RELN: variants seen among roughly 807,000 people sequenced by gnomAD.
RELN encodes the protein reelin.
In RELN, 108 loss-of-function variants were observed where a neutral mutation model predicts 427.6. That is an observed-to-expected ratio of 0.25 (90% CI 0.22 to 0.30). The LOEUF is 0.30. RELN is among the 10% of genes least tolerant of loss of function. RELN has a pLI of 1.00. For synonymous variants in RELN, 1,524 were observed against 1,513.4 expected (o/e 1.01, Z -0.16); for missense variants, 3,715 against 4,302.8 (o/e 0.86, Z 3.82).
intron 28 of RELN, among the ~76,000 whole-genome samples, chr7:103,583,444 G>C (rs1831200199): frequency 6.6e-6 from 1 of 152,116 alleles, no homozygotes; most frequent in Admixed American, 6.5e-5. Context: ...CCTTCTTACT[G>C]TATTCCTTAC....
At position 103,753,206 on chromosome 7, in the gene RELN, C is replaced by A. The variant is rs1480297004; in HGVS notation, c.553G>T (p.Asp185Tyr). 1 of 1,613,974 alleles carries A rather than the reference C, an allele frequency of 6.2e-7. No individual in the cohort carries two copies. The highest frequency in any genetic ancestry group is 1.7e-5 in the Admixed American group (1 of 60,024). ...QQLCEQGAPT[D>Y]VTVHPHLAEI... ...CCTAGATGTGGGTGCACAGTGACATCTGTTGGAGCTGAATCAAGAGAGGAA... is the reference window on the plus strand; with the variant it reads ...CCTAGATGTGGGTGCACAGTGACATATGTTGGAGCTGAATCAAGAGAGGAA... The change falls in exon 5 of 65, where the codon GAT becomes TAT. Residue 185 changes from aspartate to tyrosine, a missense_variant. Asp to Tyr is a radical substitution (Grantham distance 160, BLOSUM62 -3). Around this residue, in one of 4 missense-constraint regions of RELN, gnomAD observed 2,208 missense variants for 2,361.7 expected, o/e 0.93. Coordinates refer to ENST00000428762, the MANE Select transcript of RELN (RefSeq NM_005045.4).
intron 46 of RELN, among the ~76,000 whole-genome samples, chr7:103,528,060 G>GA (rs1829863042): frequency 6.6e-6 from 1 of 152,156 alleles, no homozygotes; most frequent in African/African-American, 2.4e-5. Context: ...CCAGTCCTAG[G>GA]TATATAGCCA....
At chr7:103,920,330 T>C (rs1795585176) in intron 1 of RELN, among the ~76,000 whole-genome samples, 1 of 152,144 alleles carries the variant, frequency 6.6e-6, no homozygotes, top group African/African-American at 2.4e-5. Context: ...CGAACTACTT[T>C]TAAGAAAAGT....
intron 1 of RELN, among the ~76,000 whole-genome samples, chr7:103,952,805 G>T (rs111441310): frequency 6.6e-6 from 1 of 152,306 alleles, no homozygotes; most frequent in Non-Finnish European, 1.5e-5. Flanking sequence ...GCATAAGGAT[G>T]CTGAACAATA....
rs1468149247 is a variant in RELN at position 103,978,765 on chromosome 7, C to T, written c.226+10366G>A. ...GGAGTTCTCTATGTTTAAAATATTT[C>T]GGAATTGACATGTCTGCCTCAGTTT... On this transcript the variant is annotated intron_variant, in intron 1 of 64. Coordinates refer to ENST00000428762, the MANE Select transcript of RELN (RefSeq NM_005045.4). 5.9e-5 allele frequency among the ~76,000 whole-genome samples: 9 copies of T among 152,290 alleles called. 1 individual carries two copies. The highest frequency in any genetic ancestry group is 1.4e-4 in the African/African-American group (6 of 41,562).
At chr7:103,751,499 C>A (rs1036589623) in intron 5 of RELN, among the ~76,000 whole-genome samples, 1 of 152,190 alleles carries the variant, frequency 6.6e-6, no homozygotes, top group Non-Finnish European at 1.5e-5. Flanking sequence ...AAGCCTCAGG[C>A]ATGAGAACAG....
At chr7:103,927,427 C>T (rs10487174) in intron 1 of RELN, among the ~76,000 whole-genome samples, 63,505 of 151,790 alleles carry the variant, frequency 0.42, 13,238 homozygotes, top group South Asian at 0.52. Context: ...AAATAAATGA[C>T]GTTCAGGTAC....
At chr7:103,985,713 T>A (rs1033289175) in intron 1 of RELN, among the ~76,000 whole-genome samples, 1 of 152,038 alleles carries the variant, frequency 6.6e-6, no homozygotes, top group Admixed American at 6.5e-5. Context: ...ATAAATTGAT[T>A]GGGGGCAAGG....
At chr7:103,513,962 A>G (rs955909014) in intron 50 of RELN, 2 of 152,172 alleles carry the variant, frequency 1.3e-5, no homozygotes, top group African/African-American at 4.8e-5. Flanking sequence ...GAACATGTAT[A>G]CTTTTACAAG....
chr7:103,707,829 C>T (rs1834239165), intron 8 of RELN, among the ~76,000 whole-genome samples: 3 of 152,002 alleles, frequency 2.0e-5, no homozygotes, highest in Admixed American at 1.3e-4. Context: ...AAAAATTTGG[C>T]CTCTCAGATA....
At position 103,553,506 on chromosome 7, in the gene RELN, G is replaced by A. The variant is rs751445947; in HGVS notation, c.6027C>T (p.Thr2009=). 1 of 1,613,934 alleles carries A rather than the reference G, an allele frequency of 6.2e-7. No homozygotes were observed. Among genetic ancestry groups the A allele is most frequent in the Non-Finnish European group, 8.5e-7 (1 of 1,179,872 alleles). Residue 2009 remains threonine (T), a synonymous_variant, in exon 40 of 65, where the codon ACC becomes ACT. Coordinates refer to ENST00000428762, the MANE Select transcript of RELN (RefSeq NM_005045.4). ...VSNEVGEHSI[T]TRDLNVNENT... Reference sequence around the variant, plus strand: ...TCTCATTCACATTTAGGTCACGGGTGGTAATGGAATGCTCACCAACTTCAT... The same window carrying A: ...TCTCATTCACATTTAGGTCACGGGTAGTAATGGAATGCTCACCAACTTCAT...
At chr7:103,889,325 C>T (rs1195501024) in intron 2 of RELN, among the ~76,000 whole-genome samples, 1 of 152,160 alleles carries the variant, frequency 6.6e-6, no homozygotes, top group Admixed American at 6.5e-5. Context: ...AAGAAGTTGG[C>T]CAATTCTACC....
chr7:103,864,543 G>A (rs192831577), intron 2 of RELN, among the ~76,000 whole-genome samples: 18 of 152,250 alleles, frequency 1.2e-4, no homozygotes, highest in Admixed American at 9.2e-4. Flanking sequence ...GATTCATGCA[G>A]TATTTGTCCT....
chr7:103,576,039 T>C (rs1293309409), intron 28 of RELN, among the ~76,000 whole-genome samples: 1 of 152,098 alleles, frequency 6.6e-6, no homozygotes, highest in Non-Finnish European at 1.5e-5. Flanking sequence ...GAGACCATCC[T>C]GGCTAACACG....
chr7:103,802,219 T>G (rs1462815062), intron 3 of RELN, among the ~76,000 whole-genome samples: 1 of 152,134 alleles, frequency 6.6e-6, no homozygotes, highest in Admixed American at 6.6e-5. Context: ...CCCTCAAAAT[T>G]TAGTCACAGG....
intron 6 of RELN, among the ~76,000 whole-genome samples, chr7:103,746,548 A>G (rs567132344): frequency 1.3e-5 from 2 of 152,262 alleles, no homozygotes; most frequent in East Asian, 3.9e-4. Context: ...CAGAAGCTAC[A>G]ATGAACTCAA....
At chr7:103,633,996 T>A (rs896361790) in intron 19 of RELN, among the ~76,000 whole-genome samples, 3 of 152,188 alleles carry the variant, frequency 2.0e-5, no homozygotes, top group African/African-American at 7.2e-5. Context: ...TAAAATTTTA[T>A]AATGTATAAC....
intron 2 of RELN, among the ~76,000 whole-genome samples, chr7:103,912,290 G>A (rs1020101724): frequency 2.0e-5 from 3 of 150,692 alleles, no homozygotes; most frequent in Non-Finnish European, 4.4e-5. Flanking sequence ...TCCACCTCCC[G>A]GGTCAAGTGA....
intron 2 of RELN, among the ~76,000 whole-genome samples, chr7:103,860,689 G>A (rs1397086431): frequency 1.3e-5 from 2 of 152,010 alleles, no homozygotes; most frequent in East Asian, 3.9e-4. Flanking sequence ...GGGATTACAG[G>A]CATGAGCCAC....
Sources: allele counts gnomAD v4.1 joint callset (sites outside exome capture counted in the v4.1 genomes callset), GRCh38; gene constraint gnomAD v4.1.1; regional missense constraint gnomAD v4.1.1; transcripts MANE v1.5; gene names NCBI Gene and HGNC (gene_info 2026-07-23, HGNC 2026-07-21).